The following NR1H4 variants were observed in gnomAD, a reference collection of about 807,000 sequenced individuals.
NR1H4 encodes bile acid receptor.
Under a neutral mutation model 58.5 loss-of-function variants are expected in NR1H4, and 23 were observed. The ratio of observed to expected loss-of-function variants is 0.39; its 90% CI spans 0.28 to 0.56. The LOEUF is 0.56. NR1H4 is among the 20% of genes least tolerant of loss of function. NR1H4 has a pLI of 0.58. For synonymous variants in NR1H4, 214 were observed against 198.0 expected, an observed-to-expected ratio of 1.08 and a Z score of -0.68; for missense variants, 487 against 576.9, an observed-to-expected ratio of 0.84 and a Z score of 1.60.
chr12:100,551,513 T>A (rs1449182542), intron 9 of NR1H4, among the ~76,000 whole-genome samples: 1 of 152,232 alleles, frequency 6.6e-6, no homozygotes, highest in Non-Finnish European at 1.5e-5. Context: ...AATTTAGAAA[T>A]CTTAACACCT....
chr12:100,519,776 G>A (rs1205727709), intron 4 of NR1H4, among the ~76,000 whole-genome samples: 3 of 152,110 alleles, frequency 2.0e-5, no homozygotes, highest in Admixed American at 6.5e-5. Context: ...CTGGGGATAG[G>A]GAGTTGGGAG....
intron 4 of NR1H4, among the ~76,000 whole-genome samples, chr12:100,513,734 G>A (rs1329908821): frequency 6.6e-6 from 1 of 152,046 alleles, no homozygotes; most frequent in East Asian, 1.9e-4. Context: ...GGTGGAGGTT[G>A]CAGTGAGCTG....
intron 4 of NR1H4, chr12:100,525,146 C>T (rs1378550272): frequency 6.6e-6 from 1 of 152,238 alleles, no homozygotes; most frequent in East Asian, 1.9e-4. Context: ...ACTGAGTTCT[C>T]TTGGTCCCAC....
At chr12:100,506,002 AACACACAC>A (rs398020830) in intron 3 of NR1H4, among the ~76,000 whole-genome samples, 29 of 141,132 alleles carry the variant, frequency 2.1e-4, no homozygotes, top group South Asian at 4.7e-4. Flanking sequence ...AAGTGTTTAT[AACACACAC>A]ACACACACAC....
chr12:100,536,963 A>G lies in NR1H4; in HGVS notation c.847A>G (p.Ser283Gly), dbSNP rs778838892. The G allele has an allele frequency of 6.3e-7, 1 of 1,583,228 alleles. No homozygotes were observed. Among genetic ancestry groups the G allele is most frequent in the Non-Finnish European group, 8.6e-7 (1 of 1,161,288 alleles). Residue 283 changes from serine to glycine, a missense_variant, in exon 8 of 11, where the codon AGT becomes GGT. Coordinates refer to ENST00000392986, the MANE Select transcript of NR1H4 (RefSeq NM_001206979.2). ...TAAAATTTAGTTAAAAGAAGAATTC[A>G]GTGCAGAAGAAAATTTTCTCATTTT... Reference protein sequence around the residue: ...ITNKILKEEFSAEENFLILTE... With the variant: ...ITNKILKEEFGAEENFLILTE...
At chr12:100,540,875 T>C in intron 9 of NR1H4, 57 bp downstream of exon 9, 1 of 1,557,822 alleles carries the variant, frequency 6.4e-7, no homozygotes, top group Non-Finnish European at 8.8e-7. Flanking sequence ...ATTGGTGTGC[T>C]TCATGAGGGT....
intron 1 of NR1H4, among the ~76,000 whole-genome samples, chr12:100,479,792 C>CTGGGCTTGG (rs1370655906): frequency 6.6e-6 from 1 of 152,256 alleles, no homozygotes; most frequent in African/African-American, 2.4e-5. Flanking sequence ...TCCAGCCTCA[C>CTGGGCTTGG]TGGGCTTGTG....
At chr12:100,485,931 C>T (rs1200524659) in intron 1 of NR1H4, among the ~76,000 whole-genome samples, 1 of 152,036 alleles carries the variant, frequency 6.6e-6, no homozygotes, top group Non-Finnish European at 1.5e-5. Context: ...TTTATTGTAT[C>T]CATTCTCTTT....
At chr12:100,505,522 AG>A in intron 3 of NR1H4, 1 of 690,678 alleles carries the variant, frequency 1.4e-6, no homozygotes, top group East Asian at 2.7e-5. Context: ...CCTTTAGAGA[AG>A]GTGTTGAAAC....
chr12:100,524,593 A>G (rs1425807340), intron 4 of NR1H4, among the ~76,000 whole-genome samples: 1 of 151,792 alleles, frequency 6.6e-6, no homozygotes, highest in Admixed American at 6.6e-5. Context: ...TTTGCTTTCT[A>G]CTCCTTTAGC....
At chr12:100,533,634 A>T (rs962047250) in intron 5 of NR1H4, among the ~76,000 whole-genome samples, 1 of 152,250 alleles carries the variant, frequency 6.6e-6, no homozygotes, top group Admixed American at 6.5e-5. Context: ...TGCACAGCTC[A>T]TATAGCTCAT....
Position 100,503,263 on chromosome 12 carries a change from A to T in NR1H4, c.80-7515A>T, listed in dbSNP as rs551129842. On this transcript the variant is annotated intron_variant, in intron 3 of 10. Coordinates refer to ENST00000392986, the MANE Select transcript of NR1H4 (RefSeq NM_001206979.2). ...GCTTACTAGGCAATTTGGCATTAAGAACTTTCCTCATAAACATTTACAAAT... is the reference window on the plus strand; with the variant it reads ...GCTTACTAGGCAATTTGGCATTAAGTACTTTCCTCATAAACATTTACAAAT... The T allele has an allele frequency of 5.5e-6, 7 of 1,273,232 alleles. No homozygotes were observed. In the East Asian group the frequency reaches 8.6e-5, roughly 16 times the overall value. 78.9% of individuals were successfully genotyped at this position (1,273,232 alleles called of 1,614,324 possible).
intron 1 of NR1H4, among the ~76,000 whole-genome samples, chr12:100,482,899 T>C (rs1953411357): frequency 6.6e-6 from 1 of 152,090 alleles, no homozygotes; most frequent in Non-Finnish European, 1.5e-5. Context: ...TTGAAAGCTG[T>C]GGATATCTAG....
intron 3 of NR1H4, among the ~76,000 whole-genome samples, chr12:100,496,517 C>T (rs1015777771): frequency 3.3e-5 from 5 of 152,196 alleles, no homozygotes; most frequent in Admixed American, 1.3e-4. Flanking sequence ...GGGTGGACAA[C>T]TGCTTTCCCA....
intron 1 of NR1H4, among the ~76,000 whole-genome samples, chr12:100,485,564 G>T (rs762214320): frequency 3.3e-5 from 5 of 151,806 alleles, no homozygotes; most frequent in Non-Finnish European, 5.9e-5. Context: ...GAGATGGAGT[G>T]CTCTGTTGCA....
chr12:100,490,697 A>G (rs1283250503), intron 1 of NR1H4, among the ~76,000 whole-genome samples: 1 of 152,190 alleles, frequency 6.6e-6, no homozygotes. Context: ...TACACATTAT[A>G]TATATCCTTA....
rs1460797865 is a variant in NR1H4 at position 100,564,018 on chromosome 12, A to G, written c.*529A>G. ...GAAAAGTCCTGGTGAATAGTCATTC[A>G]TTTGTAATAGCCCTCTGATCATTTC... On this transcript the variant is annotated 3_prime_UTR_variant, in exon 11 of 11. Transcript: ENST00000392986. 1 of 154,446 alleles carries G rather than the reference A, an allele frequency of 6.5e-6. No individual in the cohort carries two copies. Among genetic ancestry groups the G allele is most frequent in the Admixed American group, 6.4e-5 (1 of 15,668 alleles). The allele number at this position is 154,446 out of a possible 1,614,324, so 9.6% of individuals were successfully genotyped here.
intron 4 of NR1H4, among the ~76,000 whole-genome samples, chr12:100,519,990 C>A (rs779648190): frequency 6.6e-6 from 1 of 152,090 alleles, no homozygotes; most frequent in Non-Finnish European, 1.5e-5. Flanking sequence ...AATTATCCTA[C>A]CTTAGTGAAT....
At chr12:100,559,710 C>A (rs916950883) in intron 9 of NR1H4, among the ~76,000 whole-genome samples, 1 of 152,258 alleles carries the variant, frequency 6.6e-6, no homozygotes, top group Non-Finnish European at 1.5e-5. Flanking sequence ...CAACGAGCAC[C>A]ACCCCCTGCT....
Sources: allele counts gnomAD v4.1 joint callset (sites outside exome capture counted in the v4.1 genomes callset), GRCh38; gene constraint gnomAD v4.1.1; transcripts MANE v1.5; gene names NCBI Gene and HGNC (gene_info 2026-07-23, HGNC 2026-07-21).